SLC26A7: variants seen among roughly 807,000 people sequenced by gnomAD.
SLC26A7 encodes the protein anion exchange transporter.
SLC26A7 carries 59 observed loss-of-function variants against 82.5 expected under a neutral mutation model. The observed-to-expected ratio is 0.72, with a 90% CI of 0.58 to 0.89. SLC26A7 has a LOEUF of 0.89. Among genes scored for constraint, SLC26A7 ranks in the 40% least tolerant of loss-of-function variants. The pLI is 0.00. For synonymous variants in SLC26A7, 271 were observed against 274.3 expected (o/e 0.99, Z 0.12); for missense variants, 820 against 793.0 (o/e 1.03, Z -0.41).
chr8:91,328,366 T>C (rs1812990466), intron 5 of SLC26A7, among the ~76,000 whole-genome samples: 1 of 152,150 alleles, frequency 6.6e-6, no homozygotes. Context: ...ATATCAAAGA[T>C]GGATTACTTA....
At chr8:91,359,845 A>T (rs1186802836) in intron 11 of SLC26A7, among the ~76,000 whole-genome samples, 1 of 151,860 alleles carries the variant, frequency 6.6e-6, no homozygotes, top group African/African-American at 2.4e-5. Context: ...GACTGTGCCT[A>T]GAGTATCATG....
intron 4 of SLC26A7, among the ~76,000 whole-genome samples, chr8:91,300,067 G>C (rs1197886356): frequency 6.6e-6 from 1 of 152,160 alleles, no homozygotes; most frequent in African/African-American, 2.4e-5. Context: ...CTTTTATTGG[G>C]ATTGTGTTAA....
intron 6 of SLC26A7, among the ~76,000 whole-genome samples, chr8:91,335,669 G>A (rs1236533302): frequency 1.3e-5 from 2 of 152,116 alleles, no homozygotes; most frequent in Non-Finnish European, 2.9e-5. Flanking sequence ...TAAGATTAAA[G>A]GTATTCTTTA....
At chr8:91,327,481 A>G (rs1473876789) in intron 5 of SLC26A7, among the ~76,000 whole-genome samples, 2 of 152,190 alleles carry the variant, frequency 1.3e-5, no homozygotes, top group Non-Finnish European at 2.9e-5. Flanking sequence ...ACTCTTTGAG[A>G]CATAGAAAAC....
intron 5 of SLC26A7, among the ~76,000 whole-genome samples, chr8:91,332,948 C>T (rs1356608369): frequency 6.6e-6 from 1 of 152,108 alleles, no homozygotes; most frequent in Non-Finnish European, 1.5e-5. Context: ...ATTTAATATT[C>T]TGTATGAATT....
chr8:91,290,620 A>T (rs1229883626), intron 3 of SLC26A7, among the ~76,000 whole-genome samples: 2 of 152,184 alleles, frequency 1.3e-5, no homozygotes, highest in African/African-American at 2.4e-5. Flanking sequence ...GCACACCTGG[A>T]TAATCCAGGC....
At chr8:91,382,474 CT>C (rs1814694347) in intron 15 of SLC26A7, among the ~76,000 whole-genome samples, 1 of 152,076 alleles carries the variant, frequency 6.6e-6, no homozygotes, top group African/African-American at 2.4e-5. Flanking sequence ...AAATTTTATA[CT>C]TTTTCTGAGG....
At chr8:91,317,177 A>T (rs960381652) in intron 4 of SLC26A7, among the ~76,000 whole-genome samples, 1 of 151,762 alleles carries the variant, frequency 6.6e-6, no homozygotes, top group Non-Finnish European at 1.5e-5. Flanking sequence ...AGAAAAAGGA[A>T]AAAAGAGAAG....
At chr8:91,318,882 A>G (rs1812715094) in intron 5 of SLC26A7, among the ~76,000 whole-genome samples, 1 of 152,192 alleles carries the variant, frequency 6.6e-6, no homozygotes, top group Admixed American at 6.5e-5. Context: ...TATTTTTCTA[A>G]CAACACTTTT....
Position 91,271,077 on chromosome 8 carries a change from T to C in SLC26A7, c.194-18059T>C, listed in dbSNP as rs1326944008. The stretch of plus-strand genomic sequence containing the variant: ...TATTATAATTTATCTTGCTTTATAC[T>C]AGTAGCTTTACCTGTTCTTGCATGT... On this transcript the variant is annotated intron_variant, in intron 2 of 18. Coordinates refer to ENST00000276609, the MANE Select transcript of SLC26A7 (RefSeq NM_052832.4). Among the ~76,000 whole-genome samples the C allele has an allele frequency of 1.9e-4, 29 of 152,230 alleles. 1 individual carries two copies. The highest frequency in any genetic ancestry group is 1.9e-3 in the Admixed American group (29 of 15,280).
chr8:91,389,106 A>G (rs1814882094), intron 15 of SLC26A7, among the ~76,000 whole-genome samples: 1 of 152,172 alleles, frequency 6.6e-6, no homozygotes, highest in Admixed American at 6.5e-5. Flanking sequence ...TAATTAACCT[A>G]TTTTGTCTTC....
chr8:91,249,880 G>T, intron 2 of SLC26A7, 36 bp downstream of exon 2: 1 of 1,440,036 alleles, frequency 6.9e-7, no homozygotes, highest in Non-Finnish European at 9.2e-7. Flanking sequence ...GTATTATGCA[G>T]AGTAGATGTC....
chr8:91,273,170 A>C (rs1811316836), intron 2 of SLC26A7, among the ~76,000 whole-genome samples: 1 of 152,126 alleles, frequency 6.6e-6, no homozygotes. Context: ...TTTTTAATGC[A>C]TATTGTTTTG....
intron 13 of SLC26A7, among the ~76,000 whole-genome samples, chr8:91,365,079 G>A (rs887917466): frequency 6.6e-6 from 1 of 152,060 alleles, no homozygotes; most frequent in African/African-American, 2.4e-5. Context: ...CCTGATTTGA[G>A]AGATCTCTTC....
chr8:91,341,825 T>G (rs1191053739), intron 8 of SLC26A7, among the ~76,000 whole-genome samples: 1 of 152,202 alleles, frequency 6.6e-6, no homozygotes, highest in Non-Finnish European at 1.5e-5. Context: ...CTTGAACCCA[T>G]TAGTCATGCT....
intron 9 of SLC26A7, among the ~76,000 whole-genome samples, chr8:91,344,718 G>A (rs1289687217): frequency 2.6e-5 from 4 of 152,064 alleles, no homozygotes; most frequent in South Asian, 2.1e-4. Context: ...ATCCTCCTCC[G>A]ACCTTGGTTT....
rs1348111203 is a variant in SLC26A7 at position 91,268,130 on chromosome 8, T to A, written c.193+18286T>A. On this transcript the variant is annotated intron_variant, in intron 2 of 18. Transcript: ENST00000276609. ...AAGGTACTTGATATGATTTCATTTT[T>A]AAAATTTTATGAAGACTTGTTTTCT... 2.0e-5 allele frequency among the ~76,000 whole-genome samples: 3 copies of A among 152,054 alleles called. No homozygotes were observed. The East Asian group carries it at 5.8e-4, about 29-fold the overall frequency.
intron 11 of SLC26A7, among the ~76,000 whole-genome samples, chr8:91,361,679 T>C (rs941340015): frequency 6.6e-6 from 1 of 152,146 alleles, no homozygotes; most frequent in Admixed American, 6.6e-5. Context: ...TTTTAAGTGG[T>C]GAACAAAACT....
intron 2 of SLC26A7, among the ~76,000 whole-genome samples, chr8:91,277,381 A>G (rs565938253): frequency 2.0e-5 from 3 of 152,322 alleles, no homozygotes; most frequent in East Asian, 1.9e-4. Flanking sequence ...CCCCATTTGC[A>G]TATGCTCCTT....
Sources: allele counts gnomAD v4.1 joint callset (sites outside exome capture counted in the v4.1 genomes callset), GRCh38; gene constraint gnomAD v4.1.1; transcripts MANE v1.5; gene names NCBI Gene and HGNC (gene_info 2026-07-23, HGNC 2026-07-21).